Variants in ANK2 observed in about 807,000 individuals in gnomAD.
The protein encoded by ANK2 is ankyrin 2.
Under a neutral mutation model 360.5 loss-of-function variants are expected in ANK2, and 83 were observed. That is an observed-to-expected ratio of 0.23 (90% CI 0.19 to 0.28). The LOEUF (loss-of-function observed/expected upper bound fraction) is 0.28. Among genes scored for constraint, ANK2 ranks in the 10% least tolerant of loss-of-function variants. ANK2 has a pLI of 1.00. For missense variants in ANK2, 4,201 were observed against 4,795.7 expected (o/e 0.88, Z 3.66); for synonymous variants, 1,740 against 1,759.5 (o/e 0.99, Z 0.28).
intron 2 of ANK2, among the ~76,000 whole-genome samples, chr4:112,977,130 G>A (rs1373845320): frequency 6.6e-6 from 1 of 152,160 alleles, no homozygotes; most frequent in Non-Finnish European, 1.5e-5. Flanking sequence ...TTTATGAAAA[G>A]AGAAAGTAGT....
the ANK2 span, among the ~76,000 whole-genome samples, chr4:112,728,622 T>C: frequency 2.0e-5 from 3 of 151,802 alleles, no homozygotes; most frequent in Non-Finnish European, 2.9e-5. Context: ...CGTGGTGACT[T>C]GCTCCTGTGG....
At chr4:112,952,368 C>G (rs2095080278) in intron 2 of ANK2, among the ~76,000 whole-genome samples, 1 of 152,128 alleles carries the variant, frequency 6.6e-6, no homozygotes, top group South Asian at 2.1e-4. Context: ...ACTATTAAAA[C>G]TGGCTTGCAA....
chr4:113,064,122 G>A (rs1291528650), intron 1 of ANK2, among the ~76,000 whole-genome samples: 1 of 152,112 alleles, frequency 6.6e-6, no homozygotes, highest in African/African-American at 2.4e-5. Flanking sequence ...ATACAGTCCA[G>A]TTTAATTGCT....
chr4:113,084,696 T>C (rs920838795), intron 1 of ANK2, among the ~76,000 whole-genome samples: 4 of 152,244 alleles, frequency 2.6e-5, no homozygotes, highest in African/African-American at 9.6e-5. Context: ...CTGTAGTTGC[T>C]CAAATAAAAC....
At chr4:113,250,763 C>CCG (rs1554339963) in intron 10 of ANK2, among the ~76,000 whole-genome samples, 3 of 140,188 alleles carry the variant, frequency 2.1e-5, no homozygotes, top group Admixed American at 7.1e-5. Context: ...CCGCCCCCCC[C>CCG]CCCGACAGAG....
chr4:113,023,941 C>G (rs563798881), intron 2 of ANK2, among the ~76,000 whole-genome samples: 8 of 152,242 alleles, frequency 5.3e-5, no homozygotes, highest in Non-Finnish European at 8.8e-5. Context: ...TTGGGGACCC[C>G]TCTACACTAC....
At chr4:112,743,234 C>T in the ANK2 span, among the ~76,000 whole-genome samples, 3 of 152,078 alleles carry the variant, frequency 2.0e-5, no homozygotes, top group African/African-American at 4.8e-5. Flanking sequence ...TGGCTGATAC[C>T]TGATAATTTC....
chr4:112,769,304 TGCC>T, the ANK2 span, among the ~76,000 whole-genome samples: 1 of 152,218 alleles, frequency 6.6e-6, no homozygotes, highest in African/African-American at 2.4e-5. Context: ...TCTTCAAGTT[TGCC>T]AGTGTCACAC....
intron 10 of ANK2, among the ~76,000 whole-genome samples, chr4:113,254,504 GC>G: frequency 6.6e-6 from 1 of 152,286 alleles, no homozygotes; most frequent in East Asian, 1.9e-4. Context: ...ACGTCATCAA[GC>G]CTTGAATTTC....
At chr4:112,708,308 G>T in the ANK2 span, among the ~76,000 whole-genome samples, 1 of 152,032 alleles carries the variant, frequency 6.6e-6, no homozygotes, top group Non-Finnish European at 1.5e-5. Context: ...AATTAAAATT[G>T]GAATTGTTTT....
intron 1 of ANK2, among the ~76,000 whole-genome samples, chr4:113,170,577 C>G (rs760125618): frequency 6.6e-6 from 1 of 152,092 alleles, no homozygotes; most frequent in African/African-American, 2.4e-5. Context: ...ATTATTGAAA[C>G]GTAAGCACAG....
intron 10 of ANK2, among the ~76,000 whole-genome samples, chr4:113,254,116 A>C (rs1479373316): frequency 6.6e-6 from 1 of 152,222 alleles, no homozygotes; most frequent in Non-Finnish European, 1.5e-5. Context: ...CTTCTCAGTG[A>C]GGCCATTTCT....
chr4:112,953,911 A>T (rs1164657534), intron 2 of ANK2, among the ~76,000 whole-genome samples: 1 of 151,998 alleles, frequency 6.6e-6, no homozygotes, highest in East Asian at 1.9e-4. Flanking sequence ...ACATAAACAG[A>T]TTATTTATTT....
intron 2 of ANK2, among the ~76,000 whole-genome samples, chr4:113,186,908 T>C (rs1278261169): frequency 1.3e-5 from 2 of 152,020 alleles, no homozygotes; most frequent in Non-Finnish European, 2.9e-5. Context: ...GTGGCAGTTG[T>C]TTTTAGTCCC....
At chr4:112,942,936 G>A (rs1051561369) in intron 2 of ANK2, among the ~76,000 whole-genome samples, 1 of 152,006 alleles carries the variant, frequency 6.6e-6, no homozygotes, top group Non-Finnish European at 1.5e-5. Flanking sequence ...TTATCAACAT[G>A]AAGAAGTGCT....
intron 2 of ANK2, among the ~76,000 whole-genome samples, chr4:112,915,288 C>T (rs540125686): frequency 3.4e-4 from 52 of 152,102 alleles, no homozygotes; most frequent in African/African-American, 8.9e-4. Flanking sequence ...GACAGATAAA[C>T]GGTATTTGTG....
rs56278632 is a variant in ANK2, at chr4:113,258,548, C to T, written c.1386+137C>T. On this transcript the variant is annotated intron_variant, in intron 13 of 45. Transcript: ENST00000357077. ...TTTGAGAAGGGCCCTTGTAATAACACATTATTGAAATAATCACCAGAACTT... is the reference window on the plus strand; with the variant it reads ...TTTGAGAAGGGCCCTTGTAATAACATATTATTGAAATAATCACCAGAACTT... The T allele has an allele frequency of 0.041, 33,640 of 817,330 alleles. 848 individuals carry two copies. Among genetic ancestry groups the T allele is most frequent in the African/African-American group, 0.061 (3,671 of 60,036 alleles). The allele number at this position is 817,330 out of a possible 1,614,324, so 50.6% of individuals were successfully genotyped here. A position where few individuals can be genotyped will look rare whatever the true frequency, so the allele number is the denominator to read the frequency against.
chr4:113,172,387 ACTTACAG>A (rs2098005502), intron 1 of ANK2, among the ~76,000 whole-genome samples: 1 of 152,212 alleles, frequency 6.6e-6, no homozygotes, highest in African/African-American at 2.4e-5. Context: ...AGCAGATAAA[ACTTACAG>A]CTCTGAACTG....
At chr4:113,148,913 T>A (rs2096933701) in intron 1 of ANK2, among the ~76,000 whole-genome samples, 2 of 152,232 alleles carry the variant, frequency 1.3e-5, no homozygotes, top group Admixed American at 1.3e-4. Flanking sequence ...GATTTCTTTC[T>A]GAACATAATT....
Sources: gnomAD v4.1 joint callset for allele counts (sites outside exome capture counted in the v4.1 genomes callset) on GRCh38, gnomAD v4.1.1 for gene constraint, MANE v1.5 for transcripts, NCBI Gene and HGNC (gene_info 2026-07-23, HGNC 2026-07-21) for gene names.